The following TFG variants were observed in gnomAD, a reference collection of about 807,000 sequenced individuals.
The protein encoded by TFG is protein TFG.
A neutral mutation model predicts 51.4 loss-of-function variants in TFG; 22 were observed. The observed-to-expected ratio is 0.43, with a 90% confidence interval of 0.31 to 0.61. The LOEUF (loss-of-function observed/expected upper bound fraction) is 0.61. Among genes scored for constraint, TFG ranks in the 20% least tolerant of loss-of-function variants. The probability of loss-of-function intolerance (pLI) is 0.12; values close to 1 mark genes in which losing one functional copy is unlikely to be tolerated. For synonymous variants in TFG, 187 were observed against 165.6 expected, an observed-to-expected ratio of 1.13 and a Z score of -0.99; for missense variants, 419 against 487.7, an observed-to-expected ratio of 0.86 and a Z score of 1.33.
intron 4 of TFG, among the ~76,000 whole-genome samples, chr3:100,731,569 A>G (rs964618304): frequency 2.6e-5 from 4 of 152,228 alleles, no homozygotes; most frequent in South Asian, 2.1e-4. Flanking sequence ...ATAGTATCAT[A>G]TAATTACACT....
chr3:100,713,868 A>C lies in TFG; in HGVS notation c.183A>C (p.Glu61Asp), dbSNP rs2095037817. ...NDEVTIKYKD[E>D]DGDLITIFDS... is the part of the protein sequence containing the mutation. Reference sequence around the variant, plus strand: ...AAGTAACAATAAAGTATAAAGATGAAGGTAAGAGTGTTTTTAAAGCTATTT... The same window carrying C: ...AAGTAACAATAAAGTATAAAGATGACGGTAAGAGTGTTTTTAAAGCTATTT... The change falls in exon 2 of 8, where the codon GAA becomes GAC. Residue 61 changes from glutamate (E) to aspartate (D), a missense_variant and splice_region_variant. Physicochemically the swap from Glu to Asp is conservative, Grantham distance 45. This residue lies in a region of TFG where 391 missense variants were observed against 434.4 expected (regional missense o/e 0.90). Transcript: ENST00000240851. 1 of 1,472,666 alleles carries C rather than the reference A, an allele frequency of 6.8e-7. No homozygotes were observed. Among genetic ancestry groups the C allele is most frequent in the African/African-American group, 1.4e-5 (1 of 70,398 alleles). 91.2% of individuals were successfully genotyped at this position (1,472,666 alleles called of 1,614,324 possible). A position where few individuals can be genotyped will look rare whatever the true frequency, so the allele number is the denominator to read the frequency against.
chr3:100,730,965 A>G (rs2095089985), intron 4 of TFG, among the ~76,000 whole-genome samples: 4 of 152,190 alleles, frequency 2.6e-5, no homozygotes, highest in Admixed American at 2.6e-4. Context: ...TAACTGGTAG[A>G]CATGTTTTAA....
Position 100,736,585 on chromosome 3 carries a change from G to A in TFG, c.590G>A (p.Ser197Asn). The change falls in exon 6 of 8, where the codon AGT (serine) becomes AAT (asparagine). Residue 197 changes from serine to asparagine, a missense_variant. Transcript: ENST00000240851. ...TTTTTTGACTATCCAGGGCCACCCAGTGCTCCTGCAGAAGATCGTTCAGGA... is the reference window on the plus strand; with the variant it reads ...TTTTTTGACTATCCAGGGCCACCCAATGCTCCTGCAGAAGATCGTTCAGGA... ...LTDDQVSGPP[S>N]APAEDRSGTP... The A allele has an allele frequency of 3.1e-6, 5 of 1,613,840 alleles. No individual in the cohort carries two copies. The highest frequency in any genetic ancestry group is 4.2e-6 in the Non-Finnish European group (5 of 1,179,924).
intron 2 of TFG, among the ~76,000 whole-genome samples, chr3:100,719,320 T>C (rs1296672425): frequency 6.6e-6 from 1 of 152,236 alleles, no homozygotes; most frequent in Non-Finnish European, 1.5e-5. Context: ...TTAGAGAATG[T>C]ATTTTTCCCT....
At chr3:100,738,323 G>A (rs2095112262) in intron 6 of TFG, among the ~76,000 whole-genome samples, 1 of 152,208 alleles carries the variant, frequency 6.6e-6, no homozygotes, top group Admixed American at 6.5e-5. Flanking sequence ...TAGGTATGAT[G>A]AGAGTTTAAT....
intron 3 of TFG, among the ~76,000 whole-genome samples, 162 bp from the exon 4 acceptor site, chr3:100,728,550 G>T: frequency 6.6e-6 from 1 of 151,082 alleles, no homozygotes; most frequent in African/African-American, 2.4e-5. Context: ...TAAGTTATTA[G>T]CCATAGAGAA....
At chr3:100,711,892 C>T (rs777562750) in intron 1 of TFG, among the ~76,000 whole-genome samples, 2 of 152,024 alleles carry the variant, frequency 1.3e-5, no homozygotes, top group Non-Finnish European at 2.9e-5. Context: ...TTCCTGAATA[C>T]CGAAAGCATT....
rs1553704032 is a variant in TFG, at chr3:100,744,807, T to TGTG, written c.722-26_722-25insGTG. The TGTG allele has an allele frequency of 6.3e-6, 9 of 1,419,752 alleles. No homozygotes were observed. The East Asian group carries it at 2.1e-4, about 33-fold the overall frequency. 87.9% of individuals were successfully genotyped at this position (1,419,752 alleles called of 1,614,324 possible). ...GCCACATTAAACATGCCTTTTTTCCTTGTGTGTGTGTGTGTGTGTTTTCAG... is the reference window on the plus strand; with the variant it reads ...GCCACATTAAACATGCCTTTTTTCCTGTGTGTGTGTGTGTGTGTGTGTTTTCAG... On this transcript the variant is annotated intron_variant, in intron 6 of 7. Transcript: ENST00000240851.
chr3:100,737,639 C>G (rs1056143271), intron 6 of TFG, among the ~76,000 whole-genome samples: 1 of 152,154 alleles, frequency 6.6e-6, no homozygotes, highest in Non-Finnish European at 1.5e-5. Flanking sequence ...TAATGTATTT[C>G]CAGCCCCAGA....
chr3:100,722,975 A>G (rs907700115), intron 3 of TFG, among the ~76,000 whole-genome samples: 9 of 152,234 alleles, frequency 5.9e-5, no homozygotes, highest in Non-Finnish European at 1.3e-4. Context: ...AAACTATTTT[A>G]GAAAAGCTTT....
intron 5 of TFG, among the ~76,000 whole-genome samples, chr3:100,733,761 C>A (rs1015715589): frequency 6.6e-6 from 1 of 152,088 alleles, no homozygotes; most frequent in African/African-American, 2.4e-5. Flanking sequence ...TATTGTTGAT[C>A]TAGCAGGGAG....
rs1576379350 is a variant in TFG, at chr3:100,744,772, A to G, written c.722-61A>G. 12 of 1,084,882 alleles carry G rather than the reference A, an allele frequency of 1.1e-5. No individual in the cohort carries two copies. The East Asian group carries it at 2.6e-4, about 24-fold the overall frequency. 67.2% of individuals were successfully genotyped at this position (1,084,882 alleles called of 1,614,324 possible). The stretch of plus-strand genomic sequence containing the variant: ...GGGAATGTATATGTATCTTAAAAAT[A>G]TTTCTCTTTGCCACATTAAACATGC... On this transcript the variant is annotated intron_variant, in intron 6 of 7. Transcript: ENST00000240851.
At chr3:100,747,389 T>C (rs914155262) in intron 7 of TFG, 1 of 152,540 alleles carries the variant, frequency 6.6e-6, no homozygotes, top group African/African-American at 2.4e-5. Context: ...AATTTTCTTA[T>C]GTATCTGGTA....
In TFG at chr3:100,713,817, C is replaced by T. The variant is rs774838217; in HGVS notation, c.132C>T (p.Phe44=). 1.3e-6 allele frequency: 2 copies of T among 1,581,334 alleles called. No individual in the cohort carries two copies. Among genetic ancestry groups the T allele is most frequent in the Admixed American group, 1.7e-5 (1 of 59,076 alleles). Residue 44 remains phenylalanine (F), a synonymous_variant, in exon 2 of 8, where the codon TTC becomes TTT. Coordinates refer to ENST00000240851, the MANE Select transcript of TFG (RefSeq NM_006070.6). Reference sequence around the variant, plus strand: ...TAGTGCTAATGATGCAACGAGTTTTCAGAGGAAAACTTCTGAGTAATGATG... The same window carrying T: ...TAGTGCTAATGATGCAACGAGTTTTTAGAGGAAAACTTCTGAGTAATGATG... ...DELVLMMQRV[F]RGKLLSNDEV...
At chr3:100,713,384 A>G (rs780483601) in intron 1 of TFG, among the ~76,000 whole-genome samples, 1 of 152,198 alleles carries the variant, frequency 6.6e-6, no homozygotes, top group Non-Finnish European at 1.5e-5. Context: ...TTATTTTTAG[A>G]TATATTAAGA....
chr3:100,713,569 G>A lies in TFG; in HGVS notation c.-43-74G>A, dbSNP rs994365902. ...ATCTTTTGGAGGCTAGAGTTTCTTA[G>A]CATCTAATAGTAGCTTTGCTCTCAA... On this transcript the variant is annotated intron_variant, in intron 1 of 7. Coordinates refer to ENST00000240851, the MANE Select transcript of TFG (RefSeq NM_006070.6). The A allele has an allele frequency of 4.8e-5, 29 of 598,878 alleles. No individual in the cohort carries two copies. The African/African-American group carries it at 5.3e-4, about 11-fold the overall frequency. The allele number at this position is 598,878 out of a possible 1,614,324, so 37.1% of individuals were successfully genotyped here. A position where few individuals can be genotyped will look rare whatever the true frequency, so the allele number is the denominator to read the frequency against.
Position 100,744,806 on chromosome 3 carries a change from C to CG in TFG, c.722-27_722-26insG, listed in dbSNP as rs35685595. The CG allele has an allele frequency of 6.5e-4, 942 of 1,439,902 alleles. 4 individuals are homozygous for CG. In the East Asian group the frequency reaches 0.02, roughly 31 times the overall value. The allele number at this position is 1,439,902 out of a possible 1,614,324, so 89.2% of individuals were successfully genotyped here. ...TGCCACATTAAACATGCCTTTTTTC[C>CG]TTGTGTGTGTGTGTGTGTGTTTTCA... On this transcript the variant is annotated intron_variant, in intron 6 of 7. Transcript: ENST00000240851.
chr3:100,711,308 G>C (rs1338833346), intron 1 of TFG, among the ~76,000 whole-genome samples: 1 of 152,150 alleles, frequency 6.6e-6, no homozygotes, highest in Non-Finnish European at 1.5e-5. Context: ...TCACCCTGTT[G>C]ATCGGTCTGG....
chr3:100,748,110 TAAAAG>T, intron 7 of TFG, 34 bp from the exon 8 acceptor site: 2 of 1,574,036 alleles, frequency 1.3e-6, no homozygotes, highest in Non-Finnish European at 1.7e-6. Context: ...GTAGTTTTAC[TAAAAG>T]ATAAGATACA....
Sources: gnomAD v4.1 joint callset for allele counts (sites outside exome capture counted in the v4.1 genomes callset) on GRCh38, gnomAD v4.1.1 for gene constraint, gnomAD v4.1.1 regional missense constraint, MANE v1.5 for transcripts, NCBI Gene and HGNC (gene_info 2026-07-23, HGNC 2026-07-21) for gene names.